NR3C1: variants seen among roughly 807,000 people sequenced by gnomAD.
NR3C1 encodes glucocorticoid receptor.
NR3C1 carries 14 observed loss-of-function variants against 74.0 expected under a neutral mutation model. That is an observed-to-expected ratio of 0.19 (90% CI 0.12 to 0.30). The LOEUF is 0.30. Ranked by LOEUF, NR3C1 falls within the 10% of genes least tolerant of loss-of-function variation. The pLI is 1.00. For missense variants in NR3C1, 695 were observed against 909.8 expected, an observed-to-expected ratio of 0.76 and a Z score of 3.04; for synonymous variants, 308 against 332.5, an observed-to-expected ratio of 0.93 and a Z score of 0.80.
chr5:143,327,240 CA>C (rs1249314372), intron 2 of NR3C1, among the ~76,000 whole-genome samples: 1 of 152,054 alleles, frequency 6.6e-6, no homozygotes, highest in Non-Finnish European at 1.5e-5. Flanking sequence ...AGAAAGAGCA[CA>C]AGGGAAACTG....
At chr5:143,435,090 G>C (rs1192446477) in exon 1 of NR3C1, 1 of 985,316 alleles carries the variant, frequency 1.0e-6, no homozygotes, top group Non-Finnish European at 1.2e-6. Context: ...GAGGTCTGAT[G>C]CTGGGAATTT....
chr5:143,304,679 G>C (rs1023779640), intron 4 of NR3C1, among the ~76,000 whole-genome samples: 1 of 151,684 alleles, frequency 6.6e-6, no homozygotes, highest in African/African-American at 2.4e-5. Flanking sequence ...TATAGTAACC[G>C]AAACAGCATG....
intron 1 of NR3C1, among the ~76,000 whole-genome samples, chr5:143,420,712 C>T (rs1387284052): frequency 1.3e-5 from 2 of 152,136 alleles, no homozygotes; most frequent in African/African-American, 2.4e-5. Flanking sequence ...CCCCCCACAA[C>T]AAAGAATTAC....
intron 2 of NR3C1, among the ~76,000 whole-genome samples, chr5:143,390,703 CA>C (rs1291428888): frequency 1.3e-5 from 2 of 152,162 alleles, no homozygotes; most frequent in Non-Finnish European, 2.9e-5. Context: ...GGAAGCTATT[CA>C]CTTATTCCAG....
chr5:143,387,190 C>A (rs945292983), intron 2 of NR3C1, among the ~76,000 whole-genome samples: 2 of 152,172 alleles, frequency 1.3e-5, no homozygotes, highest in Non-Finnish European at 2.9e-5. Context: ...GCCTTTCTAC[C>A]TTACTCTTAA....
chr5:143,407,797 C>A (rs963384985), upstream of NR3C1, among the ~76,000 whole-genome samples: 4 of 152,164 alleles, frequency 2.6e-5, no homozygotes, highest in Non-Finnish European at 5.9e-5. Context: ...AGCTGTACTG[C>A]CAGATTACCC....
In NR3C1 at chr5:143,349,194, T is replaced by C. The variant is rs12386466; in HGVS notation, c.1185-35026A>G. ...TCTTAGTTGCTTTGCTTTACCAAAATGCAGGTTTCCCCAAGGATATCATTT... is the reference window on the plus strand; with the variant it reads ...TCTTAGTTGCTTTGCTTTACCAAAACGCAGGTTTCCCCAAGGATATCATTT... On this transcript the variant is annotated intron_variant, in intron 2 of 8. Coordinates refer to ENST00000394464, the MANE Select transcript of NR3C1 (RefSeq NM_000176.3). Among the ~76,000 whole-genome samples the C allele has an allele frequency of 5.5e-3, 836 of 152,304 alleles. 5 individuals carry two copies. Among genetic ancestry groups the C allele is most frequent in the East Asian group, 0.022 (116 of 5,194 alleles).
At chr5:143,407,052 A>G (rs1334742166), upstream of NR3C1, 1 of 152,216 alleles carries the variant, frequency 6.6e-6, no homozygotes, top group Non-Finnish European at 1.5e-5. Flanking sequence ...ACTACAAGAA[A>G]TAGGATGAAT....
chr5:143,420,760 C>T (rs1341863132), intron 1 of NR3C1, among the ~76,000 whole-genome samples: 1 of 152,074 alleles, frequency 6.6e-6, no homozygotes, highest in Admixed American at 6.5e-5. Context: ...GCTGAGAAAC[C>T]CTGCCCTAGA....
chr5:143,283,187 T>TAAC (rs1373956300), intron 7 of NR3C1, among the ~76,000 whole-genome samples: 1 of 152,244 alleles, frequency 6.6e-6, no homozygotes, highest in Non-Finnish European at 1.5e-5. Context: ...TTTCTTGCTA[T>TAAC]AACTTTTTAT....
chr5:143,281,626 T>G lies in NR3C1; in HGVS notation c.*263A>C. ...TGACTGTGGAGATTACGTCCACATA[T>G]TAAGGTTTCTAATTTCTGGGATATA... On this transcript the variant is annotated 3_prime_UTR_variant, in exon 9 of 9. Transcript: ENST00000394464. 1 of 405,720 alleles carries G rather than the reference T, an allele frequency of 2.5e-6. No homozygotes were observed. The highest frequency in any genetic ancestry group is 4.6e-6 in the Non-Finnish European group (1 of 218,258). 25.1% of individuals were successfully genotyped at this position (405,720 alleles called of 1,614,324 possible).
At chr5:143,431,480 A>G (rs887737175) in intron 1 of NR3C1, among the ~76,000 whole-genome samples, 5 of 151,820 alleles carry the variant, frequency 3.3e-5, no homozygotes, top group Non-Finnish European at 5.9e-5. Flanking sequence ...GGAACATCAC[A>G]TACCCGGGCC....
At position 143,403,433 on chromosome 5, in the gene NR3C1, G is replaced by C. The variant is rs1840736694; in HGVS notation, c.-236C>G. 1.1e-6 allele frequency: 1 copy of C among 885,958 alleles called. No homozygotes were observed. Among genetic ancestry groups the C allele is most frequent in the Non-Finnish European group, 1.3e-6 (1 of 785,984 alleles). 54.9% of individuals were successfully genotyped at this position (885,958 alleles called of 1,614,324 possible). A position where few individuals can be genotyped will look rare whatever the true frequency, so the allele number is the denominator to read the frequency against. On this transcript the variant is annotated 5_prime_UTR_variant, in exon 1 of 9. Transcript: ENST00000394464. ...ACAAGCCAGCCCTCCGCCCCGCGCCGGGCTCCGCGGGTCGAGGTTCCGGGC... is the reference window on the plus strand; with the variant it reads ...ACAAGCCAGCCCTCCGCCCCGCGCCCGGCTCCGCGGGTCGAGGTTCCGGGC...
exon 1 of NR3C1, chr5:143,434,558 CA>C: frequency 1.0e-6 from 1 of 985,374 alleles, no homozygotes. Context: ...TTTAATGAAG[CA>C]AAGTCTTCTT....
chr5:143,330,272 T>C lies in NR3C1; in HGVS notation c.1185-16104A>G, dbSNP rs1162050980. On this transcript the variant is annotated intron_variant, in intron 2 of 8. Coordinates refer to ENST00000394464, the MANE Select transcript of NR3C1 (RefSeq NM_000176.3). ...AGGGATATTCTGCACAATGTAAAAATTTCAAGGGCACACTTAGCACTTTTT... is the reference window on the plus strand; with the variant it reads ...AGGGATATTCTGCACAATGTAAAAACTTCAAGGGCACACTTAGCACTTTTT... 2.0e-5 allele frequency among the ~76,000 whole-genome samples: 3 copies of C among 152,172 alleles called. 1 individual carries two copies. The highest frequency in any genetic ancestry group is 2.0e-4 in the Admixed American group (3 of 15,278).
At position 143,296,950 on chromosome 5, in the gene NR3C1, C is replaced by T. The variant is rs1031933487; in HGVS notation, c.1893-1360G>A. On this transcript the variant is annotated intron_variant, in intron 6 of 8. Coordinates refer to ENST00000394464, the MANE Select transcript of NR3C1 (RefSeq NM_000176.3). Reference sequence around the variant, plus strand: ...AAAATTAGCCAAGTGTGGTGGAGTGCGCCTGTAATCCCAGCTATTCGGGAG... The same window carrying T: ...AAAATTAGCCAAGTGTGGTGGAGTGTGCCTGTAATCCCAGCTATTCGGGAG... Among the ~76,000 whole-genome samples the T allele has an allele frequency of 2.9e-4, 44 of 151,710 alleles. 1 individual carries two copies. The highest frequency in any genetic ancestry group is 8.2e-4 in the African/African-American group (34 of 41,380).
intron 2 of NR3C1, among the ~76,000 whole-genome samples, chr5:143,355,833 TAATGTTTAA>T (rs1561654620): frequency 6.6e-6 from 1 of 152,184 alleles, no homozygotes; most frequent in African/African-American, 2.4e-5. Flanking sequence ...GTTGTGCCTT[TAATGTTTAA>T]AAGAGGCAGA....
intron 2 of NR3C1, among the ~76,000 whole-genome samples, chr5:143,318,024 CTTT>C (rs1256018564): frequency 6.6e-6 from 1 of 152,238 alleles, no homozygotes; most frequent in South Asian, 2.1e-4. Context: ...GACTTAACTT[CTTT>C]GAGTCCATTC....
intron 2 of NR3C1, among the ~76,000 whole-genome samples, chr5:143,344,893 AC>A (rs1363268190): frequency 2.0e-5 from 3 of 151,762 alleles, no homozygotes; most frequent in African/African-American, 7.3e-5. Context: ...CTCACCCCCC[AC>A]AAAAAAAAGA....
Sources: gnomAD v4.1 joint callset for allele counts (sites outside exome capture counted in the v4.1 genomes callset) on GRCh38, gnomAD v4.1.1 for gene constraint, MANE v1.5 for transcripts, NCBI Gene and HGNC (gene_info 2026-07-23, HGNC 2026-07-21) for gene names.